Variants in SMC5 observed in about 807,000 individuals in gnomAD.
SMC5 encodes the protein structural maintenance of chromosomes protein 5.
In SMC5, 88 loss-of-function variants were observed where a neutral mutation model predicts 148.3. The ratio of observed to expected loss-of-function variants is 0.59; its 90% CI spans 0.50 to 0.71. SMC5 has a LOEUF of 0.71. Among genes scored for constraint, SMC5 ranks in the 30% least tolerant of loss-of-function variants. The pLI, the probability that SMC5 is intolerant of heterozygous loss-of-function variation, is 0.00. For synonymous variants in SMC5, 421 were observed against 432.8 expected, an observed-to-expected ratio of 0.97 and a Z score of 0.34; for missense variants, 1,142 against 1,298.9, an observed-to-expected ratio of 0.88 and a Z score of 1.86.
intron 22 of SMC5, among the ~76,000 whole-genome samples, chr9:70,348,359 A>G (rs775733194): frequency 7.2e-5 from 11 of 152,084 alleles, no homozygotes; most frequent in Non-Finnish European, 1.5e-4. Flanking sequence ...AGTTTGAAAT[A>G]TAGTGTATAT....
intron 15 of SMC5, among the ~76,000 whole-genome samples, chr9:70,323,204 A>G (rs1470732002): frequency 6.6e-6 from 1 of 152,194 alleles, no homozygotes; most frequent in African/African-American, 2.4e-5. Context: ...AGAACATACT[A>G]TTAACTTTTA....
intron 16 of SMC5, 23 bp from the exon 17 acceptor site, chr9:70,323,998 C>A: frequency 6.6e-7 from 1 of 1,516,146 alleles, no homozygotes; most frequent in Non-Finnish European, 8.8e-7. Context: ...TAAAAATTAA[C>A]TCTTAGGGGT....
intron 18 of SMC5, among the ~76,000 whole-genome samples, chr9:70,345,415 A>G (rs2036641787): frequency 6.6e-6 from 1 of 152,124 alleles, no homozygotes; most frequent in Non-Finnish European, 1.5e-5. Context: ...ATGCTAAGAA[A>G]AATAAAACAG....
chr9:70,305,015 A>C (rs533591099), intron 10 of SMC5, among the ~76,000 whole-genome samples: 7 of 152,224 alleles, frequency 4.6e-5, no homozygotes, highest in Non-Finnish European at 8.8e-5. Flanking sequence ...AGATAGTATC[A>C]AAATCAATAT....
intron 11 of SMC5, chr9:70,311,376 G>A (rs997563980): frequency 8.5e-5 from 13 of 152,104 alleles, no homozygotes; most frequent in Non-Finnish European, 4.4e-5. Flanking sequence ...AGCATGTATC[G>A]ATTAAGTTCA....
intron 17 of SMC5, among the ~76,000 whole-genome samples, chr9:70,337,903 C>G (rs908952109): frequency 6.6e-6 from 1 of 150,606 alleles, no homozygotes. Context: ...AGTTAAAATT[C>G]CTGTAGTTGA....
At chr9:70,351,172 C>G (rs112808983) in intron 24 of SMC5, among the ~76,000 whole-genome samples, 4 of 151,666 alleles carry the variant, frequency 2.6e-5, no homozygotes, top group African/African-American at 7.3e-5. Context: ...GGCAACATGG[C>G]AAAACCCCAT....
chr9:70,264,785 T>C (rs1352419877), intron 2 of SMC5, among the ~76,000 whole-genome samples: 1 of 152,220 alleles, frequency 6.6e-6, no homozygotes, highest in Non-Finnish European at 1.5e-5. Context: ...GATGGGAATA[T>C]ATTCTGAGAA....
rs1410606165 is a variant in SMC5 at position 70,323,589 on chromosome 9, T to C, written c.2257T>C (p.Leu753=). ...NVQKAKLVTE[L]TNLIKICTSL... is the part of the protein sequence containing the mutation. ...TCAAAAAGCGAAACTTGTTACCGAA[T>C]TAACAAACCTAATAAAGGTAAGGTA... Residue 753 remains leucine (L), a synonymous_variant, in exon 16 of 25, where the codon TTA becomes CTA. Coordinates refer to ENST00000361138, the MANE Select transcript of SMC5 (RefSeq NM_015110.4). The C allele has an allele frequency of 1.9e-6, 3 of 1,612,080 alleles. No homozygotes were observed. The highest frequency in any genetic ancestry group is 2.5e-6 in the Non-Finnish European group (3 of 1,179,156).
intron 15 of SMC5, among the ~76,000 whole-genome samples, chr9:70,321,451 G>A (rs1172108981): frequency 1.3e-5 from 2 of 149,414 alleles, no homozygotes; most frequent in East Asian, 3.9e-4. Context: ...GGAGTGCAGT[G>A]GCATGCTCAC....
At chr9:70,333,557 C>G (rs2036279127) in intron 17 of SMC5, among the ~76,000 whole-genome samples, 1 of 151,904 alleles carries the variant, frequency 6.6e-6, no homozygotes, top group Admixed American at 6.6e-5. Flanking sequence ...ATGGCAAAAC[C>G]CTGTCTCTAC....
intron 17 of SMC5, among the ~76,000 whole-genome samples, chr9:70,340,396 GT>G: frequency 6.6e-6 from 1 of 151,916 alleles, no homozygotes; most frequent in Non-Finnish European, 1.5e-5. Context: ...AGAATTTATG[GT>G]CTTGTGTATT....
At chr9:70,290,771 A>G (rs1010571864) in intron 8 of SMC5, among the ~76,000 whole-genome samples, 4 of 152,194 alleles carry the variant, frequency 2.6e-5, no homozygotes, top group Non-Finnish European at 4.4e-5. Flanking sequence ...GCCAGCACTC[A>G]TTTAATTTTA....
At chr9:70,343,221 G>C (rs1310005524) in intron 17 of SMC5, among the ~76,000 whole-genome samples, 1 of 151,268 alleles carries the variant, frequency 6.6e-6, no homozygotes, top group Admixed American at 6.6e-5. Flanking sequence ...AGGGAATAAT[G>C]TATGCGAAGC....
At chr9:70,327,148 A>G (rs990418946) in intron 17 of SMC5, among the ~76,000 whole-genome samples, 8 of 152,204 alleles carry the variant, frequency 5.3e-5, no homozygotes, top group South Asian at 2.1e-4. Flanking sequence ...TATGACTTCT[A>G]AATACTATTT....
At chr9:70,339,291 T>C (rs1274218486) in intron 17 of SMC5, among the ~76,000 whole-genome samples, 1 of 151,936 alleles carries the variant, frequency 6.6e-6, no homozygotes, top group Non-Finnish European at 1.5e-5. Context: ...TAGCCGGGTG[T>C]GGTGGCGGGC....
chr9:70,291,183 G>T (rs918565751), intron 8 of SMC5, among the ~76,000 whole-genome samples: 14 of 152,094 alleles, frequency 9.2e-5, no homozygotes, highest in African/African-American at 2.9e-4. Context: ...GTCACTACTA[G>T]GTTAGTTTAG....
intron 3 of SMC5, among the ~76,000 whole-genome samples, chr9:70,276,404 C>A (rs576091215): frequency 1.3e-5 from 2 of 152,282 alleles, no homozygotes; most frequent in East Asian, 3.9e-4. Context: ...TACTTTCATG[C>A]TAACTGATAA....
At chr9:70,313,324 G>C (rs2035708839) in intron 11 of SMC5, among the ~76,000 whole-genome samples, 1 of 152,062 alleles carries the variant, frequency 6.6e-6, no homozygotes, top group African/African-American at 2.4e-5. Flanking sequence ...TCCACCTGTT[G>C]ATAGTAATAA....
Sources: gnomAD v4.1 joint callset for allele counts (sites outside exome capture counted in the v4.1 genomes callset) on GRCh38, gnomAD v4.1.1 for gene constraint, MANE v1.5 for transcripts, NCBI Gene and HGNC (gene_info 2026-07-23, HGNC 2026-07-21) for gene names.